PTPRD: variants seen among roughly 807,000 people sequenced by gnomAD.
The protein encoded by PTPRD is protein tyrosine phosphatase receptor type D.
In PTPRD, 34 loss-of-function variants were observed where a neutral mutation model predicts 214.5. The ratio of observed to expected loss-of-function variants is 0.16; its 90% CI spans 0.12 to 0.21. The LOEUF (loss-of-function observed/expected upper bound fraction) is 0.21, where lower values mean the gene tolerates loss of function less well. PTPRD is among the 10% of genes least tolerant of loss of function. The pLI, the probability that PTPRD is intolerant of heterozygous loss-of-function variation, is 1.00. For synonymous variants in PTPRD, 1,128 were observed against 845.7 expected (o/e 1.33, Z -5.79); for missense variants, 2,545 against 2,398.7 (o/e 1.06, Z -1.27).
At chr9:9,457,267 C>T (rs1031477531) in intron 8 of PTPRD, among the ~76,000 whole-genome samples, 1 of 151,798 alleles carries the variant, frequency 6.6e-6, no homozygotes, top group African/African-American at 2.4e-5. Context: ...ACAAATAAAC[C>T]CCAAAAAACC....
chr9:9,712,500 G>T (rs916358266), intron 7 of PTPRD, among the ~76,000 whole-genome samples: 3 of 152,064 alleles, frequency 2.0e-5, no homozygotes, highest in East Asian at 1.9e-4. Context: ...CATTGAACCC[G>T]CAGGGAAGAA....
At chr9:8,733,657 C>T in intron 12 of PTPRD, 123 bp downstream of exon 12, 1 of 977,278 alleles carries the variant, frequency 1.0e-6, no homozygotes, top group Non-Finnish European at 1.6e-6. Flanking sequence ...CAAGGAGGAT[C>T]CCGCAGTGTC....
chr9:8,779,685 G>T (rs1038636945), intron 11 of PTPRD, among the ~76,000 whole-genome samples: 2 of 152,046 alleles, frequency 1.3e-5, no homozygotes, highest in Admixed American at 6.6e-5. Flanking sequence ...TAATCAGCAC[G>T]GTAAACAAGC....
rs150524012 is a variant in PTPRD at position 8,975,804 on chromosome 9, G to GTA, written c.-104+42891_-104+42892dup. On this transcript the variant is annotated intron_variant, in intron 11 of 45. Coordinates refer to ENST00000381196, the MANE Select transcript of PTPRD (RefSeq NM_002839.4). ...TGAGAAACCATATATATATATATTT[G>GTA]TATATATATATACACATCCAAAATT... Among the ~76,000 whole-genome samples, 1,287 of 147,250 alleles carry GTA rather than the reference G, an allele frequency of 8.7e-3. 8 individuals are homozygous for GTA. The highest frequency in any genetic ancestry group is 0.017 in the African/African-American group (678 of 40,626).
chr9:9,525,529 T>C (rs2154259394), intron 8 of PTPRD, among the ~76,000 whole-genome samples: 1 of 152,278 alleles, frequency 6.6e-6, no homozygotes, highest in South Asian at 2.1e-4. Flanking sequence ...TTTTCTCTAT[T>C]GAGAGGAATA....
chr9:9,101,101 CA>C (rs1186232198), intron 10 of PTPRD, among the ~76,000 whole-genome samples: 1 of 150,380 alleles, frequency 6.6e-6, no homozygotes, highest in Non-Finnish European at 1.5e-5. Context: ...CAATGTAAAA[CA>C]GAGAGAGAGA....
At chr9:8,994,844 G>C (rs985865061) in intron 11 of PTPRD, among the ~76,000 whole-genome samples, 1 of 152,018 alleles carries the variant, frequency 6.6e-6, no homozygotes, top group Non-Finnish European at 1.5e-5. Flanking sequence ...CATCTTATAT[G>C]CAACTAAAAA....
intron 4 of PTPRD, among the ~76,000 whole-genome samples, chr9:9,971,134 A>T (rs1280108780): frequency 6.6e-6 from 1 of 152,182 alleles, no homozygotes; most frequent in East Asian, 1.9e-4. Context: ...CAAAAGGAGA[A>T]ATATTAAATA....
intron 14 of PTPRD, among the ~76,000 whole-genome samples, chr9:8,542,235 G>A (rs373445327): frequency 1.3e-5 from 2 of 152,208 alleles, no homozygotes; most frequent in Non-Finnish European, 2.9e-5. Flanking sequence ...TGTACTGGGA[G>A]TGTATGTCGC....
intron 11 of PTPRD, among the ~76,000 whole-genome samples, chr9:8,999,200 T>C (rs1017350602): frequency 6.6e-6 from 1 of 152,080 alleles, no homozygotes; most frequent in Non-Finnish European, 1.5e-5. Context: ...ATGGGTATAA[T>C]GCTATCAAAC....
At chr9:9,756,693 T>C (rs928563949) in intron 6 of PTPRD, among the ~76,000 whole-genome samples, 1 of 152,192 alleles carries the variant, frequency 6.6e-6, no homozygotes, top group East Asian at 1.9e-4. Flanking sequence ...TGCCACTGCA[T>C]TGTTCACTTT....
intron 37 of PTPRD, among the ~76,000 whole-genome samples, chr9:8,377,669 A>G (rs1259689414): frequency 6.6e-6 from 1 of 152,090 alleles, no homozygotes; most frequent in Non-Finnish European, 1.5e-5. Flanking sequence ...TAGGTAAAGA[A>G]AGCTCCTAGC....
chr9:9,193,925 A>G (rs2099936742), intron 9 of PTPRD, among the ~76,000 whole-genome samples: 1 of 152,140 alleles, frequency 6.6e-6, no homozygotes, highest in Admixed American at 6.6e-5. Flanking sequence ...TACTTTATAA[A>G]CTTTTTAAAA....
At chr9:10,135,877 C>T (rs2098939050) in intron 3 of PTPRD, among the ~76,000 whole-genome samples, 1 of 150,776 alleles carries the variant, frequency 6.6e-6, no homozygotes, top group South Asian at 2.1e-4. Flanking sequence ...ACTCACAGAT[C>T]AACATTAATC....
At chr9:8,501,881 C>A (rs1228785234) in intron 23 of PTPRD, among the ~76,000 whole-genome samples, 1 of 152,136 alleles carries the variant, frequency 6.6e-6, no homozygotes, top group African/African-American at 2.4e-5. Context: ...AAGAATTAGA[C>A]CCCACCAGCA....
intron 10 of PTPRD, among the ~76,000 whole-genome samples, chr9:9,030,455 T>C (rs893181030): frequency 5.9e-5 from 9 of 151,836 alleles, no homozygotes; most frequent in Non-Finnish European, 7.4e-5. Context: ...TGATATTATC[T>C]TTTTTGTGTA....
At chr9:9,817,739 C>G (rs1365027694) in intron 5 of PTPRD, among the ~76,000 whole-genome samples, 1 of 152,184 alleles carries the variant, frequency 6.6e-6, no homozygotes, top group Non-Finnish European at 1.5e-5. Context: ...AAGAGGATAA[C>G]TGTCCTGATA....
chr9:8,519,394 C>A (rs2097848285), intron 20 of PTPRD, among the ~76,000 whole-genome samples: 1 of 152,084 alleles, frequency 6.6e-6, no homozygotes. Flanking sequence ...TATTCAAGTG[C>A]CTTATTCTAA....
rs898292502 is a variant in PTPRD, at chr9:9,822,520, ATATAT to A, written c.-367-55674_-367-55670del. ...ATAATATATATGTAATATATACATA[ATATAT>A]TATATATAGTTAAAATAACCAACTA... On this transcript the variant is annotated intron_variant, in intron 5 of 45. Transcript: ENST00000381196. 2.0e-5 allele frequency among the ~76,000 whole-genome samples: 3 copies of A among 148,308 alleles called. No individual in the cohort carries two copies. The Admixed American group carries it at 2.0e-4, about 10-fold the overall frequency.
Sources: gnomAD v4.1 joint callset for allele counts (sites outside exome capture counted in the v4.1 genomes callset) on GRCh38, gnomAD v4.1.1 for gene constraint, MANE v1.5 for transcripts, NCBI Gene and HGNC (gene_info 2026-07-23, HGNC 2026-07-21) for gene names.